CHODL: variants seen among roughly 807,000 people sequenced by gnomAD.
The protein encoded by CHODL is transmembrane protein MT75.
Under a neutral mutation model 34.5 loss-of-function variants are expected in CHODL, and 29 were observed. That is an observed-to-expected ratio of 0.84 (90% confidence interval 0.63 to 1.15). CHODL has a LOEUF of 1.15. Among genes scored for constraint, CHODL ranks in the 50% most tolerant of loss-of-function variants. The pLI is 0.00. For missense variants in CHODL, 332 were observed against 332.5 expected (o/e 1.00, Z 0.01); for synonymous variants, 125 against 116.1 (o/e 1.08, Z -0.49).
intron 2 of CHODL, among the ~76,000 whole-genome samples, chr21:18,164,404 A>T (rs935760445): frequency 6.6e-6 from 1 of 152,242 alleles, no homozygotes; most frequent in African/African-American, 2.4e-5. Flanking sequence ...TCAAAAGTCA[A>T]GGGTTCTGTT....
At chr21:18,027,132 A>G (rs2064185105) in intron 1 of CHODL, among the ~76,000 whole-genome samples, 1 of 151,268 alleles carries the variant, frequency 6.6e-6, no homozygotes, top group Non-Finnish European at 1.5e-5. Context: ...AAATTAGCTG[A>G]GTGTGGTGGC....
intron 1 of CHODL, among the ~76,000 whole-genome samples, chr21:17,963,949 T>C (rs2063552345): frequency 6.6e-6 from 1 of 152,168 alleles, no homozygotes; most frequent in Non-Finnish European, 1.5e-5. Context: ...GGCTTTTTTT[T>C]CTTCCATCAA....
intron 1 of CHODL, among the ~76,000 whole-genome samples, chr21:17,995,424 T>C (rs1012514868): frequency 2.0e-5 from 3 of 152,222 alleles, no homozygotes; most frequent in African/African-American, 7.2e-5. Context: ...TCTGAGCTTA[T>C]GCCAGCCAGG....
At chr21:18,168,379 T>C (rs2073183748) in intron 2 of CHODL, among the ~76,000 whole-genome samples, 1 of 152,218 alleles carries the variant, frequency 6.6e-6, no homozygotes, top group Admixed American at 6.5e-5. Context: ...AGTCAGTGGG[T>C]GGCAGAGCTT....
chr21:17,988,394 C>T (rs201076340), intron 1 of CHODL, among the ~76,000 whole-genome samples: 239 of 47,666 alleles, frequency 5.0e-3, no homozygotes, highest in African/African-American at 7.8e-3. Flanking sequence ...TCCCTTTTTT[C>T]CTTTTTTTTT....
chr21:17,921,463 A>G (rs1289289104), intron 1 of CHODL, among the ~76,000 whole-genome samples: 1 of 152,192 alleles, frequency 6.6e-6, no homozygotes, highest in Non-Finnish European at 1.5e-5. Flanking sequence ...CTTGTGTACA[A>G]TCTTCCATGC....
chr21:18,118,326 G>A (rs139484043), intron 2 of CHODL, among the ~76,000 whole-genome samples: 2,309 of 152,152 alleles, frequency 0.015, 29 homozygotes, highest in Middle Eastern at 0.078. Context: ...TGAGATGAAT[G>A]CAAAACACTC....
At chr21:18,034,920 C>G (rs2064292416) in intron 2 of CHODL, among the ~76,000 whole-genome samples, 1 of 151,952 alleles carries the variant, frequency 6.6e-6, no homozygotes, top group Non-Finnish European at 1.5e-5. Flanking sequence ...GACCTGGTTG[C>G]TGTACCACAG....
In CHODL at chr21:18,022,198, G is replaced by T. The variant is rs1330916414; in HGVS notation, c.-144-5674G>T. 3.3e-5 allele frequency among the ~76,000 whole-genome samples: 5 copies of T among 152,132 alleles called. No individual in the cohort carries two copies. In the East Asian group the frequency reaches 9.6e-4, roughly 29 times the overall value. On this transcript the variant is annotated intron_variant, in intron 1 of 6. Coordinates refer to the CHODL transcript ENST00000400127. ...AGAATCTAAAATCATGGTGTCAGCT[G>T]GGTTGTGCTTTCTTCAAAGGGTCCG... is the stretch of plus-strand genomic sequence containing the variant.
At chr21:18,019,514 G>C (rs984491441) in intron 1 of CHODL, among the ~76,000 whole-genome samples, 5 of 152,048 alleles carry the variant, frequency 3.3e-5, no homozygotes, top group African/African-American at 1.2e-4. Flanking sequence ...TGCTTAAGAT[G>C]ATGAGTACCT....
At chr21:18,115,770 G>A (rs1011694070) in intron 2 of CHODL, among the ~76,000 whole-genome samples, 3 of 152,086 alleles carry the variant, frequency 2.0e-5, no homozygotes, top group Admixed American at 1.3e-4. Context: ...ATTTTATCAT[G>A]TGGACACTCC....
At chr21:18,249,201 C>T (rs73206932) in intron 1 of CHODL, among the ~76,000 whole-genome samples, 165 of 145,752 alleles carry the variant, frequency 1.1e-3, no homozygotes, top group South Asian at 2.7e-3. Context: ...ACAATTTTTA[C>T]TATTTACAAC....
At chr21:17,998,736 G>T (rs550005655) in intron 1 of CHODL, among the ~76,000 whole-genome samples, 5 of 152,314 alleles carry the variant, frequency 3.3e-5, no homozygotes, top group African/African-American at 1.2e-4. Context: ...CATGGCTGGA[G>T]CCTTGAACAT....
chr21:18,101,710 C>A (rs1345183586), intron 2 of CHODL, among the ~76,000 whole-genome samples: 2 of 122,168 alleles, frequency 1.6e-5, no homozygotes, highest in Non-Finnish European at 1.8e-5. Flanking sequence ...TTTCCATTTA[C>A]AACATTTTTT....
At chr21:18,265,235 GTATA>G (rs1156746967) in intron 5 of CHODL, among the ~76,000 whole-genome samples, 4 of 129,266 alleles carry the variant, frequency 3.1e-5, no homozygotes, top group South Asian at 4.4e-4. Context: ...ATATATGTGT[GTATA>G]TATATATGTG....
chr21:17,997,815 C>T (rs2063865917), intron 1 of CHODL, among the ~76,000 whole-genome samples: 2 of 152,278 alleles, frequency 1.3e-5, no homozygotes, highest in South Asian at 4.2e-4. Context: ...TCCAGCCCCT[C>T]CCACAACACG....
rs73893019 is a variant in CHODL at position 18,192,036 on chromosome 21, T to C, written c.-44-64473T>C. Among the ~76,000 whole-genome samples the C allele has an allele frequency of 9.1e-3, 1,387 of 152,280 alleles. 29 individuals are homozygous for C. Among genetic ancestry groups the C allele is most frequent in the African/African-American group, 0.031 (1,305 of 41,554 alleles). Reference sequence around the variant, plus strand: ...GGTTTGAGAAAGAGGAAGGCAAGTATTGAGAGAAGGCATGTGTTATGTGTA... The same window carrying C: ...GGTTTGAGAAAGAGGAAGGCAAGTACTGAGAGAAGGCATGTGTTATGTGTA... On this transcript the variant is annotated intron_variant, in intron 2 of 6. Coordinates refer to the CHODL transcript ENST00000400127.
intron 1 of CHODL, among the ~76,000 whole-genome samples, chr21:18,249,865 T>C (rs1260724494): frequency 4.6e-5 from 7 of 152,150 alleles, no homozygotes; most frequent in Non-Finnish European, 1.0e-4. Context: ...TTGTGCACTG[T>C]GTCGAGGTAC....
intron 2 of CHODL, among the ~76,000 whole-genome samples, chr21:18,067,935 G>A (rs910336304): frequency 3.9e-5 from 6 of 152,114 alleles, no homozygotes; most frequent in African/African-American, 1.2e-4. Context: ...AAATATATGT[G>A]CTCATTTCAG....
Sources: gnomAD v4.1 joint callset for allele counts (sites outside exome capture counted in the v4.1 genomes callset) on GRCh38, gnomAD v4.1.1 for gene constraint, MANE v1.5 for transcripts, NCBI Gene and HGNC (gene_info 2026-07-23, HGNC 2026-07-21) for gene names.